Variants in FUT9 observed in about 807,000 individuals in gnomAD.
FUT9 encodes 4-galactosyl-N-acetylglucosaminide 3-alpha-L-fucosyltransferase 9.
FUT9 carries 15 observed loss-of-function variants against 29.7 expected under a neutral mutation model. The ratio of observed to expected loss-of-function variants is 0.51; its 90% CI spans 0.34 to 0.78. The LOEUF (loss-of-function observed/expected upper bound fraction) is 0.78. Among genes scored for constraint, FUT9 ranks in the 30% least tolerant of loss-of-function variants. The probability of loss-of-function intolerance (pLI) is 0.01; values close to 1 mark genes in which losing one functional copy is unlikely to be tolerated. For synonymous variants in FUT9, 169 were observed against 153.7 expected (o/e 1.10, Z -0.74); for missense variants, 319 against 425.4 (o/e 0.75, Z 2.20).
At chr6:96,089,031 T>C (rs984534088) in intron 1 of FUT9, among the ~76,000 whole-genome samples, 2 of 152,276 alleles carry the variant, frequency 1.3e-5, no homozygotes, top group East Asian at 3.9e-4. Flanking sequence ...TTTGATCCCA[T>C]TACTCTTCTA....
chr6:96,058,468 CAAA>C (rs3079049), intron 1 of FUT9, among the ~76,000 whole-genome samples: 7 of 77,170 alleles, frequency 9.1e-5, no homozygotes, highest in East Asian at 4.2e-4. Flanking sequence ...GGCTTTATTC[CAAA>C]AAAAAAAAAA....
chr6:96,052,063 C>A (rs1296137268), intron 1 of FUT9, among the ~76,000 whole-genome samples: 1 of 152,084 alleles, frequency 6.6e-6, no homozygotes, highest in Non-Finnish European at 1.5e-5. Flanking sequence ...CTGGGGAGGC[C>A]TCAGGAAACT....
At chr6:96,157,871 G>A (rs534466310) in intron 2 of FUT9, among the ~76,000 whole-genome samples, 1 of 152,070 alleles carries the variant, frequency 6.6e-6, no homozygotes, top group Admixed American at 6.6e-5. Flanking sequence ...TTAGAGACAG[G>A]CTCATTTTTG....
At chr6:96,140,887 T>C (rs906622023) in intron 2 of FUT9, among the ~76,000 whole-genome samples, 2 of 152,220 alleles carry the variant, frequency 1.3e-5, no homozygotes, top group African/African-American at 4.8e-5. Context: ...ATGTCATGCA[T>C]TACATACCTA....
intron 1 of FUT9, among the ~76,000 whole-genome samples, chr6:96,036,066 T>C (rs1382226107): frequency 7.2e-6 from 1 of 139,544 alleles, no homozygotes; most frequent in East Asian, 2.1e-4. Flanking sequence ...TAATATAATA[T>C]AATACAGTAT....
intron 2 of FUT9, among the ~76,000 whole-genome samples, chr6:96,180,718 A>G (rs1412773699): frequency 2.6e-5 from 4 of 152,022 alleles, no homozygotes; most frequent in African/African-American, 9.7e-5. Flanking sequence ...AACATACAGT[A>G]TTTATCTTTT....
chr6:96,145,618 G>T (rs190148994), intron 2 of FUT9, among the ~76,000 whole-genome samples: 1 of 152,252 alleles, frequency 6.6e-6, no homozygotes, highest in South Asian at 2.1e-4. Context: ...GTCAAAGAAG[G>T]CCTCATTGTG....
At chr6:96,025,353 C>A (rs754864250) in intron 1 of FUT9, among the ~76,000 whole-genome samples, 4 of 151,672 alleles carry the variant, frequency 2.6e-5, no homozygotes, top group Admixed American at 6.6e-5. Context: ...TTGCAATGAC[C>A]TCCTTGATTC....
chr6:96,157,514 T>A (rs1772808124), intron 2 of FUT9, among the ~76,000 whole-genome samples: 1 of 152,144 alleles, frequency 6.6e-6, no homozygotes, highest in East Asian at 1.9e-4. Flanking sequence ...TTATTTTAGT[T>A]ATAAAGAAAG....
intron 2 of FUT9, among the ~76,000 whole-genome samples, chr6:96,179,686 A>T (rs1257742154): frequency 6.6e-6 from 1 of 152,150 alleles, no homozygotes; most frequent in Non-Finnish European, 1.5e-5. Flanking sequence ...TGGAATTCTT[A>T]TACATAAGAA....
chr6:96,030,556 A>G (rs1312298806), intron 1 of FUT9, among the ~76,000 whole-genome samples: 1 of 151,526 alleles, frequency 6.6e-6, no homozygotes, highest in Admixed American at 6.6e-5. Context: ...GCAATTTTGG[A>G]AACTGTTTAA....
intron 2 of FUT9, among the ~76,000 whole-genome samples, chr6:96,159,276 GA>G (rs546802965): frequency 1.3e-5 from 2 of 152,064 alleles, no homozygotes; most frequent in East Asian, 1.9e-4. Context: ...AATCAACAGA[GA>G]AAAAAATGTT....
intron 2 of FUT9, among the ~76,000 whole-genome samples, chr6:96,159,483 T>C (rs1407068378): frequency 1.3e-5 from 2 of 152,178 alleles, no homozygotes. Context: ...CCAAATGTAT[T>C]GGTAGACCTA....
chr6:96,054,711 AACC>A (rs370610250), intron 1 of FUT9, among the ~76,000 whole-genome samples: 190 of 152,316 alleles, frequency 1.2e-3, no homozygotes, highest in South Asian at 4.6e-3. Flanking sequence ...GAAGAGCCCT[AACC>A]ACATATTACC....
intron 1 of FUT9, among the ~76,000 whole-genome samples, chr6:96,042,684 C>T (rs943240094): frequency 6.6e-6 from 1 of 152,054 alleles, no homozygotes; most frequent in African/African-American, 2.4e-5. Flanking sequence ...TACAATGAAG[C>T]CCCAAACCCT....
chr6:96,191,667 T>C (rs918800618), intron 2 of FUT9, among the ~76,000 whole-genome samples: 1 of 152,188 alleles, frequency 6.6e-6, no homozygotes, highest in African/African-American at 2.4e-5. Context: ...GAGGAGCTGG[T>C]ACCATTCCTT....
chr6:96,061,129 A>G (rs1256429711), intron 1 of FUT9, among the ~76,000 whole-genome samples: 1 of 151,254 alleles, frequency 6.6e-6, no homozygotes, highest in Admixed American at 6.6e-5. Flanking sequence ...GAGAACTTAT[A>G]GTTTATTTCT....
At position 96,196,993 on chromosome 6, in the gene FUT9, G is replaced by A. The variant is rs148704256; in HGVS notation, c.-8-6155G>A. 7.3e-3 allele frequency among the ~76,000 whole-genome samples: 1,111 copies of A among 152,106 alleles called. 7 individuals carry two copies. Among genetic ancestry groups the A allele is most frequent in the African/African-American group, 0.026 (1,067 of 41,486 alleles). On this transcript the variant is annotated intron_variant, in intron 2 of 2. Coordinates refer to ENST00000302103, the MANE Select transcript of FUT9 (RefSeq NM_006581.4). ...TTTCTATGACTGCCTTGGGAAAGAG[G>A]GATTCTAGTTTCTACTGCTTGCTTT... is the stretch of plus-strand genomic sequence containing the variant.
At chr6:96,065,869 C>T (rs564185053) in intron 1 of FUT9, among the ~76,000 whole-genome samples, 89 of 152,226 alleles carry the variant, frequency 5.8e-4, no homozygotes, top group African/African-American at 1.5e-3. Flanking sequence ...AGATTGTTGT[C>T]GCAAGATAAT....
Sources: allele counts gnomAD v4.1 joint callset (sites outside exome capture counted in the v4.1 genomes callset), GRCh38; gene constraint gnomAD v4.1.1; transcripts MANE v1.5; gene names NCBI Gene and HGNC (gene_info 2026-07-23, HGNC 2026-07-21).